The following GALNT13 variants were observed in gnomAD, a reference collection of about 807,000 sequenced individuals.
GALNT13 encodes polypeptide N-acetylgalactosaminyltransferase 13, also known as UDP-GalNAc:polypeptide N-acetylgalactosaminyltransferase 13.
A neutral mutation model predicts 64.2 loss-of-function variants in GALNT13; 28 were observed. That is an observed-to-expected ratio of 0.44 (90% confidence interval 0.32 to 0.60). The LOEUF (loss-of-function observed/expected upper bound fraction) is 0.60, where lower values mean the gene tolerates loss of function less well. GALNT13 is among the 20% of genes least tolerant of loss of function. The probability of loss-of-function intolerance (pLI) is 0.05; values close to 1 mark genes in which losing one functional copy is unlikely to be tolerated. For synonymous variants in GALNT13, 214 were observed against 224.6 expected (o/e 0.95, Z 0.42); for missense variants, 577 against 669.8 (o/e 0.86, Z 1.53).
chr2:153,236,586 G>T, the GALNT13 span, among the ~76,000 whole-genome samples: 13 of 152,038 alleles, frequency 8.6e-5, no homozygotes, highest in African/African-American at 2.9e-4. Flanking sequence ...GAGCAACAAG[G>T]CCTGTATGAC....
At chr2:154,426,141 T>A (rs2105436677) in intron 11 of GALNT13, among the ~76,000 whole-genome samples, 1 of 152,278 alleles carries the variant, frequency 6.6e-6, no homozygotes, top group South Asian at 2.1e-4. Context: ...GGATTCCTCT[T>A]CCAACCTCCC....
At chr2:153,773,005 T>C in the GALNT13 span, among the ~76,000 whole-genome samples, 1 of 152,204 alleles carries the variant, frequency 6.6e-6, no homozygotes, top group African/African-American at 2.4e-5. Context: ...CCACTACAGT[T>C]GCCTTTGACT....
rs559782371 is a variant in GALNT13 at position 154,418,578 on chromosome 2, C to A, written c.1395+9496C>A. Among the ~76,000 whole-genome samples the A allele has an allele frequency of 6.6e-5, 10 of 152,240 alleles. No individual in the cohort carries two copies. The East Asian group carries it at 1.5e-3, about 24-fold the overall frequency. ...AGCAAGGGCTAGATTTTCCCCCAGA[C>A]CCTCTGGAGGGAAAGAGGCCCTGCT... On this transcript the variant is annotated intron_variant, in intron 11 of 12. Transcript: ENST00000392825.
the GALNT13 span, among the ~76,000 whole-genome samples, chr2:153,856,106 A>C: frequency 2.3e-4 from 35 of 152,216 alleles, no homozygotes; most frequent in Middle Eastern, 3.4e-3. Context: ...ATGAATATGG[A>C]ATTTATTTGG....
intron 2 of GALNT13, among the ~76,000 whole-genome samples, chr2:153,932,296 T>A (rs1039145260): frequency 6.6e-6 from 1 of 151,948 alleles, no homozygotes; most frequent in Non-Finnish European, 1.5e-5. Flanking sequence ...TTAGTTTAGC[T>A]CTGTTTCTGG....
At chr2:153,095,955 C>T in the GALNT13 span, among the ~76,000 whole-genome samples, 2 of 152,002 alleles carry the variant, frequency 1.3e-5, no homozygotes, top group African/African-American at 4.8e-5. Context: ...TTAATGGGTG[C>T]AGCATACCAA....
At chr2:153,630,844 G>T in the GALNT13 span, among the ~76,000 whole-genome samples, 2 of 101,082 alleles carry the variant, frequency 2.0e-5, no homozygotes, top group African/African-American at 4.0e-5. Context: ...TAAGTTCTAG[G>T]GTACATGTGC....
chr2:153,566,257 G>A, the GALNT13 span, among the ~76,000 whole-genome samples: 17 of 150,824 alleles, frequency 1.1e-4, 2 homozygotes, highest in South Asian at 1.7e-3. Context: ...AGCTGGTATT[G>A]AGACCAACAA....
At chr2:153,448,875 G>A in the GALNT13 span, among the ~76,000 whole-genome samples, 331 of 152,052 alleles carry the variant, frequency 2.2e-3, 3 homozygotes, top group Non-Finnish European at 3.3e-3. Context: ...TTTGGAGATG[G>A]GACCTCCTAG....
the GALNT13 span, among the ~76,000 whole-genome samples, chr2:153,476,014 C>A: frequency 2.6e-5 from 4 of 152,304 alleles, no homozygotes; most frequent in Admixed American, 6.5e-5. Context: ...TACCTATTGA[C>A]TATCTCTTGA....
intron 3 of GALNT13, among the ~76,000 whole-genome samples, chr2:153,973,927 A>G (rs72993635): frequency 0.056 from 8,516 of 152,120 alleles, 355 homozygotes; most frequent in East Asian, 0.13. Flanking sequence ...CATGCCCTCA[A>G]TAAATATTTC....
At chr2:154,248,493 G>A (rs1026547363) in intron 7 of GALNT13, among the ~76,000 whole-genome samples, 1 of 152,056 alleles carries the variant, frequency 6.6e-6, no homozygotes, top group Non-Finnish European at 1.5e-5. Flanking sequence ...TCAATTATAT[G>A]TGCAACAAAT....
At chr2:153,549,713 G>C in the GALNT13 span, among the ~76,000 whole-genome samples, 1 of 152,166 alleles carries the variant, frequency 6.6e-6, no homozygotes, top group Admixed American at 6.5e-5. Flanking sequence ...ATGGGCTCCT[G>C]AGAAAATAAA....
chr2:153,533,586 G>A, the GALNT13 span, among the ~76,000 whole-genome samples: 2 of 151,296 alleles, frequency 1.3e-5, no homozygotes, highest in Non-Finnish European at 2.9e-5. Context: ...TCTATGTTTT[G>A]GAAAATGTTA....
At chr2:153,222,320 GGGGGGGTGGGGT>G in the GALNT13 span, among the ~76,000 whole-genome samples, 5 of 115,494 alleles carry the variant, frequency 4.3e-5, no homozygotes, top group South Asian at 3.0e-4. Context: ...GGGGGGGGGG[GGGGGGGTGGGGT>G]GGGGGGGGGG....
At chr2:153,901,968 C>T (rs1388986710) in intron 2 of GALNT13, among the ~76,000 whole-genome samples, 1 of 152,122 alleles carries the variant, frequency 6.6e-6, no homozygotes, top group Non-Finnish European at 1.5e-5. Flanking sequence ...TTGAGCTTGA[C>T]TTACCATTCT....
At chr2:154,128,721 C>T (rs1457493986) in intron 3 of GALNT13, among the ~76,000 whole-genome samples, 1 of 151,762 alleles carries the variant, frequency 6.6e-6, no homozygotes, top group Non-Finnish European at 1.5e-5. Context: ...TTTTTTCTTC[C>T]ACTAGAAATT....
At chr2:153,744,965 C>T in the GALNT13 span, among the ~76,000 whole-genome samples, 1 of 152,074 alleles carries the variant, frequency 6.6e-6, no homozygotes, top group African/African-American at 2.4e-5. Context: ...AGTGAGTACC[C>T]TGGTTTGCAG....
chr2:153,596,229 G>A, the GALNT13 span, among the ~76,000 whole-genome samples: 1 of 152,130 alleles, frequency 6.6e-6, no homozygotes, highest in South Asian at 2.1e-4. Context: ...AAGCTGCTAA[G>A]CCAAATAAGG....
Sources: allele counts gnomAD v4.1 joint callset (sites outside exome capture counted in the v4.1 genomes callset), GRCh38; gene constraint gnomAD v4.1.1; transcripts MANE v1.5; gene names NCBI Gene and HGNC (gene_info 2026-07-23, HGNC 2026-07-21).